BPTF: variants seen among roughly 807,000 people sequenced by gnomAD.
BPTF encodes the protein nucleosome-remodeling factor subunit BPTF.
Under a neutral mutation model 292.5 loss-of-function variants are expected in BPTF, and 18 were observed. That is an observed-to-expected ratio of 0.06 (90% CI 0.04 to 0.09). The LOEUF is 0.09. Ranked by LOEUF, BPTF falls within the 10% of genes least tolerant of loss-of-function variation. The probability of loss-of-function intolerance (pLI) is 1.00; values close to 1 mark genes in which losing one functional copy is unlikely to be tolerated. For missense variants in BPTF, 2,726 were observed against 3,498.7 expected (o/e 0.78, Z 5.57); for synonymous variants, 1,225 against 1,251.9 (o/e 0.98, Z 0.45).
At chr17:67,832,682 C>T (rs1460243773) in intron 1 of BPTF, among the ~76,000 whole-genome samples, 5 of 151,904 alleles carry the variant, frequency 3.3e-5, no homozygotes, top group African/African-American at 1.2e-4. Context: ...TATACCCCCG[C>T]AAAAGAAGCC....
chr17:67,906,921 C>T (rs1332019269), intron 9 of BPTF, among the ~76,000 whole-genome samples: 4 of 152,134 alleles, frequency 2.6e-5, no homozygotes, highest in African/African-American at 9.7e-5. Context: ...GTCCAGGTGC[C>T]ATGGCTCACA....
Position 67,912,788 on chromosome 17 carries a change from T to C in BPTF, c.4904T>C (p.Leu1635Pro), listed in dbSNP as rs764248961. ...VTTTTTTVTK[L>P]STPSTGGSVD... Reference sequence around the variant, plus strand: ...ACCACCACTACAACAGTGACCAAGCTTTCCACACCCTCCACAGGCGGCAGT... The same window carrying C: ...ACCACCACTACAACAGTGACCAAGCCTTCCACACCCTCCACAGGCGGCAGT... Residue 1635 changes from leucine (L) to proline (P), a missense_variant, in exon 11 of 28, where the codon CTT becomes CCT. By Grantham distance (98) the Leu-to-Pro change is moderately conservative. Around this residue, in one of 22 missense-constraint regions of BPTF, gnomAD observed 144 missense variants for 177.2 expected, o/e 0.81. Transcript: ENST00000306378. 2 of 1,613,964 alleles carry C rather than the reference T, an allele frequency of 1.2e-6. No homozygotes were observed. Among genetic ancestry groups the C allele is most frequent in the Non-Finnish European group, 1.7e-6 (2 of 1,180,024 alleles).
At chr17:67,897,599 G>A (rs1248078849) in intron 7 of BPTF, among the ~76,000 whole-genome samples, 2 of 152,050 alleles carry the variant, frequency 1.3e-5, no homozygotes, top group Non-Finnish European at 2.9e-5. Context: ...AGCTCCTTTT[G>A]GGTGGGGGGA....
intron 8 of BPTF, 106 bp from the exon 9 acceptor site, chr17:67,904,596 A>T: frequency 2.3e-6 from 2 of 879,150 alleles, no homozygotes; most frequent in Non-Finnish European, 3.2e-6. Context: ...AGTAAATTTC[A>T]TTTGCCTGAC....
chr17:67,911,196 A>G lies in BPTF; in HGVS notation c.3312A>G (p.Glu1104=). 1 of 1,613,866 alleles carries G rather than the reference A, an allele frequency of 6.2e-7. No homozygotes were observed. Among genetic ancestry groups the G allele is most frequent in the Non-Finnish European group, 8.5e-7 (1 of 1,179,958 alleles). The change falls in exon 11 of 28, where the codon GAA becomes GAG. Residue 1104 remains glutamate (E), a synonymous_variant. Transcript: ENST00000306378. ...CAAATTCTTCAAAAAATCTCTCTGA[A>G]TCACCAGTAATAACGAAAGCAAAAG... ...TSTNSSKNLS[E]SPVITKAKEG...
chr17:67,976,714 A>AAAAAAAAAAAAAAAAAAAG (rs1555694156), intron 27 of BPTF, among the ~76,000 whole-genome samples: 8 of 116,586 alleles, frequency 6.9e-5, no homozygotes, highest in African/African-American at 2.5e-4. Flanking sequence ...AAAAAAAAAA[A>AAAAAAAAAAAAAAAAAAAG]ATAAGAATAA....
At chr17:67,869,278 AAAT>A (rs2145560141) in intron 3 of BPTF, among the ~76,000 whole-genome samples, 1 of 152,342 alleles carries the variant, frequency 6.6e-6, no homozygotes, top group East Asian at 1.9e-4. Flanking sequence ...TCAGAATAAA[AAAT>A]AGAAAAAACA....
chr17:67,934,994 A>G (rs1247740720), intron 18 of BPTF, among the ~76,000 whole-genome samples: 1 of 152,168 alleles, frequency 6.6e-6, no homozygotes, highest in African/African-American at 2.4e-5. Context: ...CTGCAGTTAA[A>G]CTTTGAGGTG....
intron 26 of BPTF, chr17:67,974,796 A>G (rs1487385048): frequency 2.0e-5 from 3 of 152,264 alleles, no homozygotes; most frequent in African/African-American, 7.2e-5. Flanking sequence ...ACCACCTGAC[A>G]GTTGCCTCCA....
At chr17:67,904,333 T>C (rs899084045) in intron 8 of BPTF, among the ~76,000 whole-genome samples, 1 of 152,194 alleles carries the variant, frequency 6.6e-6, no homozygotes, top group African/African-American at 2.4e-5. Context: ...CCTGGCCTAC[T>C]TTTGACATAG....
intron 4 of BPTF, among the ~76,000 whole-genome samples, chr17:67,885,744 T>C (rs1002025511): frequency 6.6e-6 from 1 of 152,230 alleles, no homozygotes; most frequent in Non-Finnish European, 1.5e-5. Context: ...CTTCAGATTT[T>C]GAATACTATC....
chr17:67,867,122 G>A (rs2059437914), intron 3 of BPTF, among the ~76,000 whole-genome samples: 1 of 152,124 alleles, frequency 6.6e-6, no homozygotes, highest in Non-Finnish European at 1.5e-5. Context: ...TTTTACTTTA[G>A]TTCTCCATAT....
chr17:67,909,088 GC>G (rs1449791371), intron 9 of BPTF, among the ~76,000 whole-genome samples: 10 of 151,850 alleles, frequency 6.6e-5, no homozygotes, highest in African/African-American at 2.2e-4. Flanking sequence ...ACCCACCTCG[GC>G]CCCTCAAAGT....
intron 7 of BPTF, 44 bp from the exon 8 acceptor site, chr17:67,903,745 T>A (rs759497325): frequency 1.0e-5 from 15 of 1,476,954 alleles, no homozygotes; most frequent in Non-Finnish European, 1.3e-5. Flanking sequence ...CTTTTCTGTT[T>A]ATTTTTCCAA....
intron 4 of BPTF, chr17:67,875,573 G>A (rs2060002256): frequency 6.5e-7 from 1 of 1,542,146 alleles, no homozygotes; most frequent in African/African-American, 1.4e-5. Context: ...AGAAGTTGGG[G>A]ATAAAGGTAA....
At chr17:67,845,904 A>G (rs893610141) in intron 1 of BPTF, among the ~76,000 whole-genome samples, 1 of 151,906 alleles carries the variant, frequency 6.6e-6, no homozygotes, top group African/African-American at 2.4e-5. Context: ...TTACCAAACT[A>G]TCCTAGAGCC....
chr17:67,881,491 G>GTT (rs140810889), intron 4 of BPTF, among the ~76,000 whole-genome samples: 2 of 92,520 alleles, frequency 2.2e-5, no homozygotes, highest in African/African-American at 3.6e-5. Context: ...CATAATCAAG[G>GTT]TTTTTTTTTT....
chr17:67,881,690 G>C (rs1015337023), intron 4 of BPTF, among the ~76,000 whole-genome samples: 8 of 151,368 alleles, frequency 5.3e-5, no homozygotes, highest in Non-Finnish European at 1.2e-4. Flanking sequence ...TTATAGTAGA[G>C]ATGGGGTTTC....
At chr17:67,930,097 T>C (rs1057479540) in intron 17 of BPTF, among the ~76,000 whole-genome samples, 2 of 130,676 alleles carry the variant, frequency 1.5e-5, no homozygotes, top group South Asian at 2.3e-4. Flanking sequence ...GCCTGGGCAA[T>C]AGAGCCAGAC....
Sources: allele counts gnomAD v4.1 joint callset (sites outside exome capture counted in the v4.1 genomes callset), GRCh38; gene constraint gnomAD v4.1.1; regional missense constraint gnomAD v4.1.1; transcripts MANE v1.5; gene names NCBI Gene and HGNC (gene_info 2026-07-23, HGNC 2026-07-21).